Variants in SLC30A9 observed in about 807,000 individuals in gnomAD.
The protein encoded by SLC30A9 is proton-coupled zinc antiporter SLC30A9, mitochondrial.
Under a neutral mutation model 87.5 loss-of-function variants are expected in SLC30A9, and 58 were observed. That is an observed-to-expected ratio of 0.66 (90% CI 0.54 to 0.82). The LOEUF is 0.82. SLC30A9 is among the 40% of genes least tolerant of loss of function. The pLI is 0.00. For synonymous variants in SLC30A9, 234 were observed against 233.0 expected, an observed-to-expected ratio of 1.00 and a Z score of -0.04; for missense variants, 557 against 679.1, an observed-to-expected ratio of 0.82 and a Z score of 2.00.
rs577889987 is a variant in SLC30A9, at chr4:42,057,607, G to A, written c.841-2584G>A. 2.0e-5 allele frequency among the ~76,000 whole-genome samples: 3 copies of A among 152,256 alleles called. No individual in the cohort carries two copies. In the South Asian group the frequency reaches 6.2e-4, roughly 32 times the overall value. On this transcript the variant is annotated intron_variant, in intron 9 of 17. Coordinates refer to ENST00000264451, the MANE Select transcript of SLC30A9 (RefSeq NM_006345.4). ...TTTCTTCCTAAACCTCCAGGCCTGT[G>A]ATTCAAGGGGCTGCCACAAAGGTCT...
chr4:42,006,445 T>C (rs958546092), intron 2 of SLC30A9, among the ~76,000 whole-genome samples: 2 of 152,178 alleles, frequency 1.3e-5, no homozygotes, highest in Admixed American at 1.3e-4. Context: ...TCTAGCACTT[T>C]GGGAGACCAA....
chr4:42,042,052 C>A (rs1251972671), intron 8 of SLC30A9, among the ~76,000 whole-genome samples: 1 of 152,218 alleles, frequency 6.6e-6, no homozygotes, highest in South Asian at 2.1e-4. Flanking sequence ...TTCCCATGGT[C>A]TTCACAACCC....
chr4:42,075,955 G>T (rs1190800163), intron 16 of SLC30A9, among the ~76,000 whole-genome samples, 169 bp downstream of exon 16: 1 of 152,080 alleles, frequency 6.6e-6, no homozygotes, highest in Non-Finnish European at 1.5e-5. Context: ...GTTCAGAGGA[G>T]ACAGCAAAAG....
chr4:42,089,569 C>A lies in SLC30A9; in HGVS notation c.*3443C>A, dbSNP rs941959198. On this transcript the variant is annotated 3_prime_UTR_variant, in exon 18 of 18. Coordinates refer to ENST00000264451, the MANE Select transcript of SLC30A9 (RefSeq NM_006345.4). ...AGTAGCTGGGATTACAGGCATGCGC[C>A]ACCACACCCGGCTAATTTTGTATTT... 1 of 152,256 alleles carries A rather than the reference C, an allele frequency of 6.6e-6. No individual in the cohort carries two copies. The allele number at this position is 152,256 out of a possible 1,614,324, so 9.4% of individuals were successfully genotyped here.
chr4:42,005,655 G>T (rs1423003415), intron 2 of SLC30A9, among the ~76,000 whole-genome samples: 1 of 152,126 alleles, frequency 6.6e-6, no homozygotes, highest in Non-Finnish European at 1.5e-5. Context: ...TCCGGGGAAA[G>T]CTGGCTTTGA....
chr4:41,994,484 A>G (rs978101784), intron 1 of SLC30A9, among the ~76,000 whole-genome samples: 1 of 151,652 alleles, frequency 6.6e-6, no homozygotes, highest in African/African-American at 2.4e-5. Flanking sequence ...ACACTTAAGT[A>G]TACTAGATGA....
intron 9 of SLC30A9, among the ~76,000 whole-genome samples, chr4:42,059,452 AGAAG>A (rs1717757875): frequency 6.6e-6 from 1 of 152,210 alleles, no homozygotes; most frequent in African/African-American, 2.4e-5. Context: ...AATGAAAGAA[AGAAG>A]GAAGAAATGA....
intron 7 of SLC30A9, among the ~76,000 whole-genome samples, chr4:42,037,848 G>A (rs1716755022): frequency 1.3e-5 from 2 of 151,958 alleles, no homozygotes. Context: ...TCAGCTCACT[G>A]CAACCTCCGC....
chr4:42,069,653 G>A (rs1056571673), intron 14 of SLC30A9, among the ~76,000 whole-genome samples: 3 of 152,124 alleles, frequency 2.0e-5, no homozygotes, highest in Admixed American at 2.0e-4. Context: ...AAAAAGACTT[G>A]TAGTCATAAA....
At chr4:42,055,914 A>C (rs1717591767) in intron 9 of SLC30A9, among the ~76,000 whole-genome samples, 1 of 152,232 alleles carries the variant, frequency 6.6e-6, no homozygotes, top group Non-Finnish European at 1.5e-5. Flanking sequence ...ACTAGATGTT[A>C]ATGTTCGTTA....
At chr4:42,065,570 G>A (rs1718049411) in intron 12 of SLC30A9, among the ~76,000 whole-genome samples, 2 of 152,170 alleles carry the variant, frequency 1.3e-5, no homozygotes, top group South Asian at 4.1e-4. Context: ...CCCTGCCATG[G>A]GATGGCATCC....
intron 17 of SLC30A9, among the ~76,000 whole-genome samples, chr4:42,081,349 A>G (rs1371396197): frequency 6.6e-6 from 1 of 152,124 alleles, no homozygotes; most frequent in East Asian, 1.9e-4. Flanking sequence ...GACAATGACT[A>G]CTGGTATTGT....
intron 6 of SLC30A9, chr4:42,030,006 A>C: frequency 1.1e-6 from 1 of 901,036 alleles, no homozygotes; most frequent in Non-Finnish European, 1.8e-6. Context: ...ACAGTTCACC[A>C]ACCTTACCAT....
intron 17 of SLC30A9, among the ~76,000 whole-genome samples, chr4:42,084,941 C>T (rs1718871276): frequency 6.6e-6 from 1 of 152,238 alleles, no homozygotes; most frequent in Admixed American, 6.5e-5. Context: ...GTCATATACA[C>T]TTCAATGCCT....
At chr4:42,078,523 G>A (rs1718644786) in intron 17 of SLC30A9, 198 bp downstream of exon 17, 1 of 373,430 alleles carries the variant, frequency 2.7e-6, no homozygotes, top group East Asian at 4.7e-5. Flanking sequence ...TAGGGAAATT[G>A]TGATTTGAAC....
At chr4:41,995,555 A>G (rs1008200901) in intron 1 of SLC30A9, among the ~76,000 whole-genome samples, 2 of 152,144 alleles carry the variant, frequency 1.3e-5, no homozygotes, top group African/African-American at 4.8e-5. Flanking sequence ...AGGATGGGCT[A>G]TTTCATTCGA....
At chr4:42,055,501 C>A (rs1021259334) in intron 9 of SLC30A9, among the ~76,000 whole-genome samples, 2 of 152,222 alleles carry the variant, frequency 1.3e-5, no homozygotes, top group Non-Finnish European at 2.9e-5. Context: ...ATTCTCCTGC[C>A]TCAGCTTCCC....
intron 8 of SLC30A9, among the ~76,000 whole-genome samples, chr4:42,039,607 T>C (rs35531308): frequency 0.65 from 98,831 of 151,500 alleles, 36,687 homozygotes; most frequent in East Asian, 0.96. Flanking sequence ...GGATTATAGG[T>C]GCGCGCCATC....
intron 8 of SLC30A9, 46 bp from the exon 9 acceptor site, chr4:42,049,331 A>G: frequency 7.9e-7 from 1 of 1,260,750 alleles, no homozygotes; most frequent in Non-Finnish European, 1.1e-6. Context: ...TTTGGCTTAA[A>G]TTTTTGTCCA....
Sources: gnomAD v4.1 joint callset for allele counts (sites outside exome capture counted in the v4.1 genomes callset) on GRCh38, gnomAD v4.1.1 for gene constraint, MANE v1.5 for transcripts, NCBI Gene and HGNC (gene_info 2026-07-23, HGNC 2026-07-21) for gene names.